Variants in SLCO1C1 observed in about 807,000 individuals in gnomAD.
SLCO1C1 encodes the protein solute carrier organic anion transporter family member 1C1.
SLCO1C1 carries 70 observed loss-of-function variants against 76.4 expected under a neutral mutation model. The observed-to-expected ratio is 0.92, with a 90% confidence interval of 0.76 to 1.12. The LOEUF is 1.12. SLCO1C1 is among the 50% of genes most tolerant of loss of function. SLCO1C1 has a pLI of 0.00. For synonymous variants in SLCO1C1, 306 were observed against 286.1 expected, an observed-to-expected ratio of 1.07 and a Z score of -0.70; for missense variants, 912 against 823.8, an observed-to-expected ratio of 1.11 and a Z score of -1.31.
At chr12:20,719,824 C>G (rs1364184071) in intron 7 of SLCO1C1, among the ~76,000 whole-genome samples, 1 of 152,202 alleles carries the variant, frequency 6.6e-6, no homozygotes, top group Non-Finnish European at 1.5e-5. Flanking sequence ...GGTGGAGAAG[C>G]TGCAGAAAGT....
At position 20,746,690 on chromosome 12, in the gene SLCO1C1, T is replaced by G. The variant is rs541046497; in HGVS notation, c.1798+3321T>G. ...ACATTTGCCTGAAGTAAACTGAACC[T>G]GAATCTAACAAGATCTAACTACCAG... On this transcript the variant is annotated intron_variant, in intron 13 of 14. Coordinates refer to ENST00000266509, the MANE Select transcript of SLCO1C1 (RefSeq NM_017435.5). Among the ~76,000 whole-genome samples the G allele has an allele frequency of 2.0e-4, 30 of 152,268 alleles. 1 individual carries two copies. In the South Asian group the frequency reaches 6.0e-3, roughly 31 times the overall value.
intron 10 of SLCO1C1, 49 bp from the exon 11 acceptor site, chr12:20,737,058 G>T (rs1353135236): frequency 7.2e-6 from 10 of 1,383,994 alleles, no homozygotes; most frequent in African/African-American, 1.5e-5. Flanking sequence ...AAATATTCGG[G>T]TGCTACCTGC....
chr12:20,748,497 C>T (rs1162173282), intron 13 of SLCO1C1, among the ~76,000 whole-genome samples: 1 of 152,150 alleles, frequency 6.6e-6, no homozygotes, highest in East Asian at 1.9e-4. Flanking sequence ...CAATACCATT[C>T]TCACACTTCA....
At chr12:20,742,109 GAC>G (rs1421274804) in intron 12 of SLCO1C1, among the ~76,000 whole-genome samples, 1 of 152,160 alleles carries the variant, frequency 6.6e-6, no homozygotes, top group Non-Finnish European at 1.5e-5. Context: ...GAGAATATGA[GAC>G]AGTTACATTT....
chr12:20,732,506 C>T (rs12299576), intron 9 of SLCO1C1, among the ~76,000 whole-genome samples: 2 of 152,068 alleles, frequency 1.3e-5, no homozygotes, highest in South Asian at 2.1e-4. Context: ...TTTGCCAGGG[C>T]GGGAGGCAGA....
chr12:20,720,973 G>GGCA (rs1378719765), intron 7 of SLCO1C1, among the ~76,000 whole-genome samples: 3 of 142,862 alleles, frequency 2.1e-5, no homozygotes, highest in African/African-American at 8.0e-5. Flanking sequence ...CTCCAGCCTG[G>GGCA]GCAACAAGAG....
chr12:20,711,149 G>C (rs1221486642), intron 4 of SLCO1C1, among the ~76,000 whole-genome samples: 1 of 152,164 alleles, frequency 6.6e-6, no homozygotes, highest in Non-Finnish European at 1.5e-5. Flanking sequence ...GCCATCTTGG[G>C]CCACATGCAA....
intron 6 of SLCO1C1, among the ~76,000 whole-genome samples, chr12:20,716,889 G>A (rs1425122964): frequency 6.6e-6 from 1 of 152,080 alleles, no homozygotes; most frequent in East Asian, 1.9e-4. Flanking sequence ...TTTCCTCAGA[G>A]TATTAATGTT....
At chr12:20,712,808 G>A (rs1258875263) in intron 5 of SLCO1C1, among the ~76,000 whole-genome samples, 1 of 152,110 alleles carries the variant, frequency 6.6e-6, no homozygotes, top group African/African-American at 2.4e-5. Context: ...AATGTGGAAG[G>A]GGAAGGAAGA....
chr12:20,716,004 T>A (rs922015015), intron 6 of SLCO1C1, among the ~76,000 whole-genome samples: 1 of 152,194 alleles, frequency 6.6e-6, no homozygotes, highest in Non-Finnish European at 1.5e-5. Context: ...TATTTTACCC[T>A]TTCCTATGGT....
chr12:20,711,137 A>AGGCCCATCTTG (rs1947076167), intron 4 of SLCO1C1, among the ~76,000 whole-genome samples: 2 of 152,312 alleles, frequency 1.3e-5, no homozygotes, highest in South Asian at 4.1e-4. Flanking sequence ...GCTGCATTCA[A>AGGCCCATCTTG]GGCCATCTTG....
chr12:20,729,216 C>T (rs1461279800), intron 9 of SLCO1C1, among the ~76,000 whole-genome samples: 2 of 152,096 alleles, frequency 1.3e-5, no homozygotes, highest in Non-Finnish European at 2.9e-5. Flanking sequence ...CAGCTTGACC[C>T]ACCATGGACA....
chr12:20,702,759 GA>G (rs1946582321), intron 3 of SLCO1C1, among the ~76,000 whole-genome samples: 1 of 151,794 alleles, frequency 6.6e-6, no homozygotes. Context: ...AAAACAAGGA[GA>G]AAGAGGTAAC....
intron 4 of SLCO1C1, among the ~76,000 whole-genome samples, chr12:20,707,509 A>G (rs1946839098): frequency 1.3e-5 from 2 of 152,170 alleles, no homozygotes; most frequent in African/African-American, 4.8e-5. Flanking sequence ...TAGCTCTTCT[A>G]TGTGACAATG....
intron 5 of SLCO1C1, among the ~76,000 whole-genome samples, chr12:20,713,627 A>T (rs559990608): frequency 2.0e-5 from 3 of 152,250 alleles, no homozygotes; most frequent in Admixed American, 1.3e-4. Flanking sequence ...GCTGATAAGG[A>T]TCTTCTCAAA....
chr12:20,732,195 C>T (rs939637171), intron 9 of SLCO1C1, among the ~76,000 whole-genome samples: 1 of 152,180 alleles, frequency 6.6e-6, no homozygotes, highest in Non-Finnish European at 1.5e-5. Context: ...ATTTCCCAAA[C>T]CCCTGAAGGA....
At chr12:20,717,364 A>C (rs1410795278) in intron 7 of SLCO1C1, 134 bp downstream of exon 7, 1 of 590,214 alleles carries the variant, frequency 1.7e-6, no homozygotes, top group African/African-American at 2.0e-5. Flanking sequence ...TAAAAATTTT[A>C]TTATTAATAT....
chr12:20,751,866 T>A (rs1295245106), intron 14 of SLCO1C1, among the ~76,000 whole-genome samples: 2 of 152,172 alleles, frequency 1.3e-5, no homozygotes, highest in African/African-American at 4.8e-5. Context: ...CCCATTAGCA[T>A]TTCTTTATGC....
chr12:20,725,732 C>G (rs999627403), intron 9 of SLCO1C1, among the ~76,000 whole-genome samples: 2 of 151,008 alleles, frequency 1.3e-5, no homozygotes, highest in Non-Finnish European at 3.0e-5. Context: ...CCAAAACACA[C>G]GGAAGTTGTG....
Sources: allele counts gnomAD v4.1 joint callset (sites outside exome capture counted in the v4.1 genomes callset), GRCh38; gene constraint gnomAD v4.1.1; transcripts MANE v1.5; gene names NCBI Gene and HGNC (gene_info 2026-07-23, HGNC 2026-07-21).